CFLAR: variants seen among roughly 807,000 people sequenced by gnomAD.
CFLAR encodes the protein CASP8 and FADD-like apoptosis regulator.
CFLAR carries 14 observed loss-of-function variants against 51.1 expected under a neutral mutation model. That is an observed-to-expected ratio of 0.27 (90% CI 0.18 to 0.43). The LOEUF (loss-of-function observed/expected upper bound fraction) is 0.43. CFLAR is among the 20% of genes least tolerant of loss of function. CFLAR has a pLI of 1.00. For synonymous variants in CFLAR, 210 were observed against 211.6 expected, an observed-to-expected ratio of 0.99 and a Z score of 0.06; for missense variants, 390 against 566.5, an observed-to-expected ratio of 0.69 and a Z score of 3.16.
At chr2:201,123,379 G>A (rs1174212739) in intron 1 of CFLAR, among the ~76,000 whole-genome samples, 2 of 152,214 alleles carry the variant, frequency 1.3e-5, no homozygotes, top group African/African-American at 4.8e-5. Flanking sequence ...CAGTCTGGAG[G>A]CTGGGAAGTC....
At position 201,149,765 on chromosome 2, in the gene CFLAR, A is replaced by G; in HGVS notation, c.723A>G (p.Glu241=). 1 of 1,613,034 alleles carries G rather than the reference A, an allele frequency of 6.2e-7. No individual in the cohort carries two copies. The highest frequency in any genetic ancestry group is 8.5e-7 in the Non-Finnish European group (1 of 1,179,066). ...SEAFLPQSIP[E]ERYKMKSKPL... ...GTCTTCCTTTCCAGAGCATACCTGA[A>G]GAGAGATACAAGATGAAGAGCAAGC... The change falls in exon 8 of 10, where the codon GAA becomes GAG. Residue 241 remains glutamate (E), a synonymous_variant. Coordinates refer to ENST00000309955, the MANE Select transcript of CFLAR (RefSeq NM_003879.7).
At chr2:201,163,139 C>A in intron 9 of CFLAR, 1 of 791,428 alleles carries the variant, frequency 1.3e-6, no homozygotes, top group Admixed American at 2.2e-5. Context: ...CCTGACACTG[C>A]ATGCTCTTAT....
Position 201,145,400 on chromosome 2 carries a change from A to C in CFLAR, c.629A>C (p.Glu210Ala). ...AAGCTCCATAATGGGAGAAGTAAAGAACAAAGACTTAAGGAACAGCTTGGC... is the reference window on the plus strand; with the variant it reads ...AAGCTCCATAATGGGAGAAGTAAAGCACAAAGACTTAAGGAACAGCTTGGC... ...NFRLHNGRSK[E>A]QRLKEQLGAQ... The change falls in exon 6 of 10, where the codon GAA becomes GCA. Residue 210 changes from glutamate (E) to alanine (A), a missense_variant. Glu to Ala is a moderately radical substitution (Grantham distance 107, BLOSUM62 -1). Transcript: ENST00000309955. 1 of 1,607,846 alleles carries C rather than the reference A, an allele frequency of 6.2e-7. No homozygotes were observed. The highest frequency in any genetic ancestry group is 8.5e-7 in the Non-Finnish European group (1 of 1,174,884).
In CFLAR at chr2:201,170,635, TCTC is replaced by T. The variant is rs1943955039; in HGVS notation, c.*6664_*6666del. 6.6e-6 allele frequency: 1 copy of T among 152,238 alleles called. No individual in the cohort carries two copies. The highest frequency in any genetic ancestry group is 1.5e-5 in the Non-Finnish European group (1 of 68,032). 9.4% of individuals were successfully genotyped at this position (152,238 alleles called of 1,614,324 possible). A position where few individuals can be genotyped will look rare whatever the true frequency, so the allele number is the denominator to read the frequency against. ...CACAATTTCTTTTTAAATCTGTTAT[TCTC>T]CACCACCACTCAATCTGTCTATCAT... On this transcript the variant is annotated 3_prime_UTR_variant, in exon 10 of 10. Transcript: ENST00000309955.
intron 2 of CFLAR, 41 bp downstream of exon 2, chr2:201,130,187 G>GGGGGGGGGGGGGGGGC: frequency 3.4e-6 from 1 of 292,394 alleles, no homozygotes; most frequent in Admixed American, 4.3e-5. Flanking sequence ...GGGTGGGAGG[G>GGGGGGGGGGGGGGGGC]AGTGAAGTGT....
In CFLAR at chr2:201,126,003, A is replaced by G. The variant is rs62191477; in HGVS notation, c.-137-3726A>G. Among the ~76,000 whole-genome samples, 783 of 152,190 alleles carry G rather than the reference A, an allele frequency of 5.1e-3. 37 individuals carry two copies. The East Asian group carries it at 0.11, about 21-fold the overall frequency. On this transcript the variant is annotated intron_variant, in intron 1 of 9. Coordinates refer to ENST00000309955, the MANE Select transcript of CFLAR (RefSeq NM_003879.7). ...AGGGAAAAAGGCCAGATAATTGAAA[A>G]TGCTGGCCAGAGTTTGTAGCATGCG...
intron 8 of CFLAR, among the ~76,000 whole-genome samples, chr2:201,158,697 A>C (rs953500351): frequency 3.3e-5 from 5 of 152,144 alleles, no homozygotes; most frequent in Non-Finnish European, 7.4e-5. Flanking sequence ...CAGTGCGTCC[A>C]GGCCTCTTCT....
At chr2:201,158,808 T>C (rs1320669228) in intron 8 of CFLAR, among the ~76,000 whole-genome samples, 3 of 151,772 alleles carry the variant, frequency 2.0e-5, no homozygotes, top group Admixed American at 2.0e-4. Flanking sequence ...ATTACAGTCC[T>C]GATAACAGCT....
At chr2:201,159,678 C>T (rs115478682) in intron 8 of CFLAR, among the ~76,000 whole-genome samples, 2,990 of 152,182 alleles carry the variant, frequency 0.02, 34 homozygotes, top group Non-Finnish European at 0.03. Flanking sequence ...TTCCTTTTAC[C>T]GATAGGAAAG....
At chr2:201,137,578 T>C in intron 4 of CFLAR, 3 of 733,830 alleles carry the variant, frequency 4.1e-6, no homozygotes, top group Non-Finnish European at 7.6e-6. Context: ...TGGGCTGACA[T>C]GGTCTGCTTC....
intron 8 of CFLAR, chr2:201,153,395 C>T (rs1287824445): frequency 1.3e-5 from 2 of 152,286 alleles, no homozygotes; most frequent in Non-Finnish European, 2.9e-5. Context: ...CTCCCTAGGC[C>T]TCCAGCTCTT....
intron 1 of CFLAR, among the ~76,000 whole-genome samples, chr2:201,120,014 T>C (rs2125588697): frequency 6.8e-6 from 1 of 147,516 alleles, no homozygotes. Flanking sequence ...TGGGGCCTTC[T>C]TTTCTTTTCT....
At chr2:201,137,600 C>G (rs1397997082) in intron 4 of CFLAR, 1 of 748,330 alleles carries the variant, frequency 1.3e-6, no homozygotes. Flanking sequence ...CAAACTTGAG[C>G]TCCCCTGAGT....
chr2:201,153,230 G>C (rs1293657564), intron 8 of CFLAR: 1 of 152,176 alleles, frequency 6.6e-6, no homozygotes, highest in Non-Finnish European at 1.5e-5. Context: ...TGGCTAATTA[G>C]CAAGTAAGAA....
rs1142201 is a variant in CFLAR, at chr2:201,164,003, C to A, written c.*30C>A. On this transcript the variant is annotated 3_prime_UTR_variant, in exon 10 of 10. Coordinates refer to ENST00000309955, the MANE Select transcript of CFLAR (RefSeq NM_003879.7). ...CCAAAAGGCTGGGCGTAGTGGCTCA[C>A]ACCTGTAATCCCAGCACTTTGGGAG... is the stretch of plus-strand genomic sequence containing the variant. 2.8e-5 allele frequency: 44 copies of A among 1,588,798 alleles called. No individual in the cohort carries two copies. In the East Asian group the frequency reaches 8.4e-4, roughly 30 times the overall value.
intron 4 of CFLAR, chr2:201,140,113 C>CG (rs1553549465): frequency 2.7e-5 from 3 of 112,812 alleles, no homozygotes; most frequent in Non-Finnish European, 4.2e-5. Flanking sequence ...AGCCAGGCGC[C>CG]GGGTGGGCTG....
chr2:201,130,187 G>GGTGGGGGGGGGGGGGGA, intron 2 of CFLAR, 41 bp downstream of exon 2: 1 of 292,394 alleles, frequency 3.4e-6, no homozygotes, highest in Non-Finnish European at 7.1e-6. Flanking sequence ...GGGTGGGAGG[G>GGTGGGGGGGGGGGGGGA]AGTGAAGTGT....
At chr2:201,150,010 G>T in intron 8 of CFLAR, 175 bp downstream of exon 8, 1 of 536,550 alleles carries the variant, frequency 1.9e-6, no homozygotes, top group Non-Finnish European at 3.4e-6. Flanking sequence ...GTGAGGCTGA[G>T]ATGGGAGGAT....
chr2:201,134,449 A>G (rs149017312), intron 3 of CFLAR, among the ~76,000 whole-genome samples: 3,439 of 152,134 alleles, frequency 0.023, 142 homozygotes, highest in African/African-American at 0.079. Flanking sequence ...AGCCTGGCCA[A>G]CATGGCAAAA....
Sources: allele counts gnomAD v4.1 joint callset (sites outside exome capture counted in the v4.1 genomes callset), GRCh38; gene constraint gnomAD v4.1.1; transcripts MANE v1.5; gene names NCBI Gene and HGNC (gene_info 2026-07-23, HGNC 2026-07-21).